The following MYT1L variants were observed in gnomAD, a reference collection of about 807,000 sequenced individuals.
The protein encoded by MYT1L is myelin transcription factor 1-like protein.
A neutral mutation model predicts 126.7 loss-of-function variants in MYT1L; 12 were observed. The ratio of observed to expected loss-of-function variants is 0.09; its 90% CI spans 0.06 to 0.15. The LOEUF is 0.15. Among genes scored for constraint, MYT1L ranks in the 10% least tolerant of loss-of-function variants. MYT1L has a pLI of 1.00. For synonymous variants in MYT1L, 541 were observed against 604.2 expected (o/e 0.90, Z 1.53); for missense variants, 979 against 1,585.2 (o/e 0.62, Z 6.49).
intron 3 of MYT1L, among the ~76,000 whole-genome samples, chr2:2,056,691 G>T (rs1350831471): frequency 6.6e-6 from 1 of 152,208 alleles, no homozygotes; most frequent in Non-Finnish European, 1.5e-5. Flanking sequence ...GATGCTGCTT[G>T]TGATCACTGG....
intron 21 of MYT1L, chr2:1,827,850 G>A (rs2148230828): frequency 6.6e-6 from 1 of 152,290 alleles, no homozygotes; most frequent in South Asian, 2.1e-4. Context: ...GACAGCTGGG[G>A]AGGGTCCCCT....
At chr2:2,097,244 A>G (rs1461741955) in intron 3 of MYT1L, among the ~76,000 whole-genome samples, 4 of 152,070 alleles carry the variant, frequency 2.6e-5, no homozygotes, top group Non-Finnish European at 5.9e-5. Flanking sequence ...CTGCTTTGCT[A>G]CACGGCAGTG....
chr2:2,123,252 G>A (rs372277190), intron 3 of MYT1L, among the ~76,000 whole-genome samples: 5 of 152,276 alleles, frequency 3.3e-5, no homozygotes, highest in East Asian at 1.9e-4. Context: ...CCTGTGGGAG[G>A]CGGAATAATG....
chr2:1,877,833 A>ATT, intron 18 of MYT1L, among the ~76,000 whole-genome samples: 1 of 151,630 alleles, frequency 6.6e-6, no homozygotes, highest in East Asian at 1.9e-4. Context: ...CATCTTCCTA[A>ATT]TTCAACATGA....
chr2:1,828,334 A>T (rs1323719540), intron 21 of MYT1L: 2 of 152,098 alleles, frequency 1.3e-5, no homozygotes, highest in African/African-American at 4.8e-5. Flanking sequence ...GGCAGGATTT[A>T]CTTATGGAAT....
At position 1,806,718 on chromosome 2, in the gene MYT1L, G is replaced by T. The variant is rs111321937; in HGVS notation, c.3172+2358C>A. On this transcript the variant is annotated intron_variant, in intron 22 of 24. Transcript: ENST00000647738. This position sits in a 1 kb window ranked among gnomAD's most constrained non-coding sequence, Gnocchi z 4.9. ...AGGTGGACCAGCCCAGGTGTGAATGGCCCCTCCTCTAGGATTGGCAGATCT... is the reference window on the plus strand; with the variant it reads ...AGGTGGACCAGCCCAGGTGTGAATGTCCCCTCCTCTAGGATTGGCAGATCT... Among the ~76,000 whole-genome samples the T allele has an allele frequency of 0.042, 6,376 of 152,186 alleles. 192 individuals carry two copies. The highest frequency in any genetic ancestry group is 0.1 in the South Asian group (481 of 4,802).
chr2:1,900,231 A>T (rs1375138571), intron 14 of MYT1L, among the ~76,000 whole-genome samples: 1 of 152,134 alleles, frequency 6.6e-6, no homozygotes, highest in Non-Finnish European at 1.5e-5. Flanking sequence ...GAGTGGGGCC[A>T]GATCTCCTTG....
At chr2:2,171,862 G>GT (rs1417161347) in intron 3 of MYT1L, among the ~76,000 whole-genome samples, 1 of 152,132 alleles carries the variant, frequency 6.6e-6, no homozygotes, top group African/African-American at 2.4e-5. Context: ...CTGTGCAGTG[G>GT]TAAGTAGTTC....
chr2:1,851,741 A>C, intron 18 of MYT1L, 38 bp from the exon 19 acceptor site: 1 of 1,581,718 alleles, frequency 6.3e-7, no homozygotes, highest in Non-Finnish European at 8.7e-7. Flanking sequence ...AAATGGAAAG[A>C]AATAAAGTTC....
At chr2:2,213,895 G>A (rs928412133) in intron 2 of MYT1L, among the ~76,000 whole-genome samples, 1 of 152,062 alleles carries the variant, frequency 6.6e-6, no homozygotes. Flanking sequence ...TCTAACCATT[G>A]CAGAACTGAC....
At chr2:2,299,839 T>C (rs980007835) in intron 1 of MYT1L, among the ~76,000 whole-genome samples, 7 of 152,328 alleles carry the variant, frequency 4.6e-5, no homozygotes, top group Non-Finnish European at 8.8e-5. Flanking sequence ...CATGTCATCA[T>C]AATCTTTCAC....
At chr2:2,108,713 A>G (rs1394031021) in intron 3 of MYT1L, among the ~76,000 whole-genome samples, 1 of 152,232 alleles carries the variant, frequency 6.6e-6, no homozygotes, top group Non-Finnish European at 1.5e-5. Flanking sequence ...TTTTTTCTTA[A>G]GACTTCTCAC....
chr2:2,099,593 T>C (rs2077820789), intron 3 of MYT1L, among the ~76,000 whole-genome samples: 1 of 152,194 alleles, frequency 6.6e-6, no homozygotes, highest in African/African-American at 2.4e-5. Flanking sequence ...TGCTATTTAA[T>C]GTGGTGAGAA....
intron 3 of MYT1L, among the ~76,000 whole-genome samples, chr2:2,149,971 G>T (rs1165211313): frequency 2.0e-5 from 3 of 152,150 alleles, no homozygotes; most frequent in African/African-American, 7.2e-5. Flanking sequence ...TCACCATATT[G>T]TCAACATAGT....
intron 3 of MYT1L, among the ~76,000 whole-genome samples, chr2:2,111,122 G>A (rs952528659): frequency 2.0e-5 from 3 of 152,194 alleles, no homozygotes; most frequent in Non-Finnish European, 4.4e-5. Context: ...AAGTGAGGGT[G>A]TCAGCTCTAA....
chr2:2,324,983 C>A (rs2096226811), intron 1 of MYT1L: 1 of 152,240 alleles, frequency 6.6e-6, no homozygotes, highest in African/African-American at 2.4e-5. Flanking sequence ...ACCCACAGGC[C>A]CCTAAATCTC....
At chr2:2,299,098 C>T (rs748532806) in intron 1 of MYT1L, among the ~76,000 whole-genome samples, 7 of 152,128 alleles carry the variant, frequency 4.6e-5, no homozygotes, top group East Asian at 3.9e-4. Flanking sequence ...GTGATCCATC[C>T]GCCTTGGCCT....
intron 1 of MYT1L, among the ~76,000 whole-genome samples, chr2:2,319,682 G>T (rs2096126886): frequency 6.6e-6 from 1 of 151,910 alleles, no homozygotes; most frequent in Non-Finnish European, 1.5e-5. Flanking sequence ...TCATAAGAAT[G>T]CTTTAATCTA....
At chr2:2,297,155 C>A (rs547994520) in intron 1 of MYT1L, among the ~76,000 whole-genome samples, 6 of 152,216 alleles carry the variant, frequency 3.9e-5, no homozygotes, top group Non-Finnish European at 8.8e-5. Flanking sequence ...CCCGCCTTTG[C>A]GACATAGAAT....
Sources: gnomAD v4.1 joint callset for allele counts (sites outside exome capture counted in the v4.1 genomes callset) on GRCh38, gnomAD v4.1.1 for gene constraint, Gnocchi (gnomAD v3.1) non-coding constraint, MANE v1.5 for transcripts, NCBI Gene and HGNC (gene_info 2026-07-23, HGNC 2026-07-21) for gene names.